Variants in FARS2 observed in about 807,000 individuals in gnomAD.
FARS2 encodes the protein phenylalanine--tRNA ligase, mitochondrial.
A neutral mutation model predicts 46.4 loss-of-function variants in FARS2; 40 were observed. The observed-to-expected ratio is 0.86, with a 90% CI of 0.67 to 1.12. FARS2 has a LOEUF of 1.12. Ranked by LOEUF, FARS2 falls within the 50% of genes most tolerant of loss-of-function variation. FARS2 has a pLI of 0.00. For missense variants in FARS2, 513 were observed against 567.9 expected, an observed-to-expected ratio of 0.90 and a Z score of 0.98; for synonymous variants, 234 against 214.9, an observed-to-expected ratio of 1.09 and a Z score of -0.78.
intron 1 of FARS2, among the ~76,000 whole-genome samples, chr6:5,318,078 A>G (rs1389289757): frequency 6.6e-6 from 1 of 152,014 alleles, no homozygotes; most frequent in Non-Finnish European, 1.5e-5. Flanking sequence ...ATAACAAGAT[A>G]GGTTGGGCGC....
chr6:5,273,392 T>C (rs1766102919), intron 1 of FARS2, among the ~76,000 whole-genome samples: 1 of 152,238 alleles, frequency 6.6e-6, no homozygotes, highest in Admixed American at 6.5e-5. Context: ...ATTGTGGTTT[T>C]GATTTGCATT....
At chr6:5,444,621 A>G (rs1040294552) in intron 4 of FARS2, among the ~76,000 whole-genome samples, 5 of 151,822 alleles carry the variant, frequency 3.3e-5, no homozygotes, top group Non-Finnish European at 5.9e-5. Context: ...TTTGGTTTTG[A>G]TCACTATGGT....
At chr6:5,480,673 C>T (rs1257985030) in intron 4 of FARS2, among the ~76,000 whole-genome samples, 1 of 152,168 alleles carries the variant, frequency 6.6e-6, no homozygotes, top group African/African-American at 2.4e-5. Context: ...CCTTTGCTAT[C>T]TCCTTCTTGC....
chr6:5,717,084 C>G (rs765176250), intron 6 of FARS2, among the ~76,000 whole-genome samples: 12 of 152,124 alleles, frequency 7.9e-5, no homozygotes, highest in Non-Finnish European at 1.8e-4. Context: ...ATTCCTTCCC[C>G]CTGGGATGAG....
upstream of FARS2, among the ~76,000 whole-genome samples, chr6:5,260,464 G>A (rs558933525): frequency 1.3e-5 from 2 of 152,344 alleles, no homozygotes; most frequent in East Asian, 1.9e-4. Flanking sequence ...GCTCCTCCCC[G>A]AGGTCTCAGA....
At chr6:5,717,351 ATG>A (rs58875741) in intron 6 of FARS2, among the ~76,000 whole-genome samples, 4,234 of 141,684 alleles carry the variant, frequency 0.03, 108 homozygotes, top group African/African-American at 0.076. Flanking sequence ...AGATATGTAT[ATG>A]TGTGTGTGTG....
chr6:5,723,905 G>A (rs1760077295), intron 6 of FARS2, among the ~76,000 whole-genome samples: 1 of 152,296 alleles, frequency 6.6e-6, no homozygotes, highest in South Asian at 2.1e-4. Context: ...GGTCTCTGTT[G>A]TGAGGGGCCC....
intron 4 of FARS2, among the ~76,000 whole-genome samples, chr6:5,529,320 C>A (rs562158502): frequency 6.6e-6 from 1 of 151,614 alleles, no homozygotes; most frequent in Non-Finnish European, 1.5e-5. Context: ...ACTTTTTTTT[C>A]TTTTTTGAGA....
intron 1 of FARS2, among the ~76,000 whole-genome samples, chr6:5,328,976 G>T (rs1770595160): frequency 6.6e-6 from 1 of 152,164 alleles, no homozygotes; most frequent in Non-Finnish European, 1.5e-5. Context: ...GCGTGGCTGA[G>T]CAGTTCGAGG....
At chr6:5,478,351 G>A (rs1416070739) in intron 4 of FARS2, among the ~76,000 whole-genome samples, 1 of 152,168 alleles carries the variant, frequency 6.6e-6, no homozygotes, top group Non-Finnish European at 1.5e-5. Context: ...TCACTTGTAT[G>A]ATGCTTTTAC....
At chr6:5,324,556 T>G (rs1262619571) in intron 1 of FARS2, among the ~76,000 whole-genome samples, 1 of 151,744 alleles carries the variant, frequency 6.6e-6, no homozygotes, top group Non-Finnish European at 1.5e-5. Flanking sequence ...ATTTTCTCAC[T>G]TATTGGTCTG....
chr6:5,285,104 G>A (rs1321352849), intron 1 of FARS2, among the ~76,000 whole-genome samples: 1 of 152,218 alleles, frequency 6.6e-6, no homozygotes, highest in East Asian at 1.9e-4. Context: ...AAGGGGGCAG[G>A]CAACAAATAC....
chr6:5,597,063 C>T (rs1774242348), intron 5 of FARS2, among the ~76,000 whole-genome samples: 1 of 152,198 alleles, frequency 6.6e-6, no homozygotes, highest in Admixed American at 6.5e-5. Context: ...GCAGTTTGTG[C>T]CTGGTCAGGG....
chr6:5,524,192 C>T (rs967371446), intron 4 of FARS2, among the ~76,000 whole-genome samples: 2 of 152,134 alleles, frequency 1.3e-5, no homozygotes, highest in Non-Finnish European at 2.9e-5. Flanking sequence ...AATATTAAGG[C>T]GAGCAATCCA....
intron 6 of FARS2, among the ~76,000 whole-genome samples, chr6:5,688,269 G>A (rs1002091284): frequency 6.6e-6 from 1 of 152,146 alleles, no homozygotes; most frequent in African/African-American, 2.4e-5. Flanking sequence ...GGGCATCCCT[G>A]TCTTGTGCCA....
intron 3 of FARS2, among the ~76,000 whole-genome samples, chr6:5,412,001 A>G (rs1473343392): frequency 6.6e-6 from 1 of 152,144 alleles, no homozygotes; most frequent in African/African-American, 2.4e-5. Flanking sequence ...TTTGCTAAAC[A>G]TTGGCATTTC....
intron 2 of FARS2, among the ~76,000 whole-genome samples, chr6:5,401,144 T>C (rs895259930): frequency 6.6e-6 from 1 of 152,116 alleles, no homozygotes; most frequent in Non-Finnish European, 1.5e-5. Flanking sequence ...TTATTGATAT[T>C]ACTTTCACAT....
chr6:5,546,644 C>G (rs1256946669), intron 5 of FARS2, among the ~76,000 whole-genome samples: 1 of 151,862 alleles, frequency 6.6e-6, no homozygotes, highest in Non-Finnish European at 1.5e-5. Flanking sequence ...CCATAGAACT[C>G]TGATGAAAGG....
intron 1 of FARS2, among the ~76,000 whole-genome samples, chr6:5,284,964 C>A (rs147520843): frequency 6.6e-6 from 1 of 152,172 alleles, no homozygotes; most frequent in Non-Finnish European, 1.5e-5. Context: ...TCAGTCGTCA[C>A]CCCCACCCCA....
Sources: gnomAD v4.1 joint callset for allele counts (sites outside exome capture counted in the v4.1 genomes callset) on GRCh38, gnomAD v4.1.1 for gene constraint, MANE v1.5 for transcripts, NCBI Gene and HGNC (gene_info 2026-07-23, HGNC 2026-07-21) for gene names.